Variants in AUH observed in about 807,000 individuals in gnomAD.
AUH encodes AU RNA binding methylglutaconyl-CoA hydratase, also known as methylglutaconyl-CoA hydratase, mitochondrial.
A neutral mutation model predicts 42.3 loss-of-function variants in AUH; 29 were observed. The ratio of observed to expected loss-of-function variants is 0.69; its 90% CI spans 0.51 to 0.93. The LOEUF (loss-of-function observed/expected upper bound fraction) is 0.93. Among genes scored for constraint, AUH ranks in the 40% least tolerant of loss-of-function variants. AUH has a pLI of 0.00. For missense variants in AUH, 452 were observed against 438.1 expected, an observed-to-expected ratio of 1.03 and a Z score of -0.28; for synonymous variants, 174 against 166.4, an observed-to-expected ratio of 1.05 and a Z score of -0.35.
Position 91,329,387 on chromosome 9 carries a change from G to T in AUH, c.419-3983C>A, listed in dbSNP as rs1254806494. On this transcript the variant is annotated intron_variant, in intron 3 of 9. Coordinates refer to ENST00000375731, the MANE Select transcript of AUH (RefSeq NM_001698.3). ...ACATTCCTACCAGCAATGCATGAGG[G>T]TCTCTGTTTTCCTAGTCACCAACAA... Among the ~76,000 whole-genome samples the T allele has an allele frequency of 3.9e-5, 6 of 151,910 alleles. No individual in the cohort carries two copies. The East Asian group carries it at 1.2e-3, about 29-fold the overall frequency.
At chr9:91,360,890 C>G (rs943085499) in intron 1 of AUH, among the ~76,000 whole-genome samples, 1 of 152,210 alleles carries the variant, frequency 6.6e-6, no homozygotes, top group Admixed American at 6.5e-5. Context: ...TTCCACCCTT[C>G]ACGACCCTTT....
At chr9:91,312,598 C>T (rs570229811) in intron 4 of AUH, among the ~76,000 whole-genome samples, 31 of 152,302 alleles carry the variant, frequency 2.0e-4, no homozygotes, top group Non-Finnish European at 2.6e-4. Context: ...TGGTGGCTCA[C>T]GCTTGTAGTT....
intron 5 of AUH, among the ~76,000 whole-genome samples, chr9:91,297,408 T>C (rs1252067258): frequency 6.6e-6 from 1 of 152,172 alleles, no homozygotes; most frequent in African/African-American, 2.4e-5. Flanking sequence ...AGGAAGAAAG[T>C]GGACTTCAAG....
chr9:91,224,650 A>G (rs1827334233), intron 6 of AUH, among the ~76,000 whole-genome samples: 2 of 152,200 alleles, frequency 1.3e-5, no homozygotes. Context: ...TATTCCTAAC[A>G]CTATTTCCTG....
chr9:91,221,988 G>A (rs1353860419), intron 6 of AUH, among the ~76,000 whole-genome samples: 2 of 152,196 alleles, frequency 1.3e-5, no homozygotes, highest in East Asian at 3.9e-4. Flanking sequence ...ATCAATGGCT[G>A]TGCCAAGAGG....
intron 3 of AUH, among the ~76,000 whole-genome samples, chr9:91,327,106 G>A (rs1004907751): frequency 2.6e-5 from 4 of 151,938 alleles, no homozygotes; most frequent in African/African-American, 4.8e-5. Context: ...TCAATCCTAC[G>A]AAAAGCCAGA....
chr9:91,355,681 C>T (rs1359691836), intron 3 of AUH, among the ~76,000 whole-genome samples: 1 of 151,842 alleles, frequency 6.6e-6, no homozygotes, highest in Non-Finnish European at 1.5e-5. Context: ...TTTCAACTTC[C>T]AAAACAATCT....
chr9:91,314,129 C>T (rs980862174), intron 4 of AUH, among the ~76,000 whole-genome samples: 2 of 152,024 alleles, frequency 1.3e-5, no homozygotes, highest in South Asian at 4.1e-4. Context: ...TGCCCATAAA[C>T]GCATTTTGTT....
chr9:91,269,451 C>T (rs536585609), intron 6 of AUH, among the ~76,000 whole-genome samples: 6 of 152,050 alleles, frequency 3.9e-5, no homozygotes, highest in African/African-American at 1.2e-4. Flanking sequence ...TAAATATAAA[C>T]GTTTAAATTT....
At chr9:91,268,308 TAAA>T in intron 6 of AUH, among the ~76,000 whole-genome samples, 1 of 152,238 alleles carries the variant, frequency 6.6e-6, no homozygotes, top group Non-Finnish European at 1.5e-5. Flanking sequence ...TACTCTGGTT[TAAA>T]ATAAACTCAT....
intron 6 of AUH, among the ~76,000 whole-genome samples, chr9:91,272,602 T>A (rs911208153): frequency 6.6e-6 from 1 of 152,188 alleles, no homozygotes; most frequent in African/African-American, 2.4e-5. Flanking sequence ...AACCTTCTCA[T>A]TCACATTCTT....
intron 9 of AUH, among the ~76,000 whole-genome samples, chr9:91,215,507 TCAGTA>T (rs1826769854): frequency 6.6e-6 from 1 of 152,318 alleles, no homozygotes; most frequent in African/African-American, 2.4e-5. Flanking sequence ...CAGTACATGT[TCAGTA>T]CAGATGCAAC....
intron 6 of AUH, among the ~76,000 whole-genome samples, chr9:91,251,627 G>A (rs544916287): frequency 1.5e-4 from 23 of 152,308 alleles, no homozygotes; most frequent in South Asian, 4.1e-4. Context: ...GCCAAATGTC[G>A]AGTGAATGCC....
chr9:91,258,296 T>G (rs909121987), intron 6 of AUH, among the ~76,000 whole-genome samples: 3 of 152,312 alleles, frequency 2.0e-5, no homozygotes, highest in Middle Eastern at 3.4e-3. Flanking sequence ...AGTGCAATCG[T>G]GTGATCTCGG....
intron 3 of AUH, among the ~76,000 whole-genome samples, chr9:91,346,700 G>C (rs555507914): frequency 2.0e-4 from 31 of 152,090 alleles, no homozygotes; most frequent in African/African-American, 6.5e-4. Context: ...TCCAAAATTA[G>C]TGGGATCCCA....
chr9:91,303,618 C>T (rs965745751), intron 4 of AUH, among the ~76,000 whole-genome samples: 1 of 152,180 alleles, frequency 6.6e-6, no homozygotes, highest in Non-Finnish European at 1.5e-5. Context: ...TAAGCCACTG[C>T]GCCCAGCCCC....
intron 1 of AUH, among the ~76,000 whole-genome samples, chr9:91,357,297 A>G (rs950189415): frequency 6.6e-6 from 1 of 152,212 alleles, no homozygotes; most frequent in African/African-American, 2.4e-5. Context: ...TACTTTTATC[A>G]ATAGTTAACG....
At chr9:91,214,892 TGTG>T (rs1417068681) in intron 9 of AUH, among the ~76,000 whole-genome samples, 2 of 152,252 alleles carry the variant, frequency 1.3e-5, no homozygotes, top group African/African-American at 2.4e-5. Flanking sequence ...TTAATTCCAT[TGTG>T]GTCTGAAGAA....
intron 6 of AUH, among the ~76,000 whole-genome samples, chr9:91,229,785 TAAA>T (rs1413636415): frequency 6.7e-6 from 1 of 149,930 alleles, no homozygotes. Flanking sequence ...TGCTTGTCTG[TAAA>T]GTATTTTATT....
Sources: allele counts gnomAD v4.1 joint callset (sites outside exome capture counted in the v4.1 genomes callset), GRCh38; gene constraint gnomAD v4.1.1; transcripts MANE v1.5; gene names NCBI Gene and HGNC (gene_info 2026-07-23, HGNC 2026-07-21).